GPC5: variants seen among roughly 807,000 people sequenced by gnomAD.
GPC5 encodes the protein glypican-5.
In GPC5, 47 loss-of-function variants were observed where a neutral mutation model predicts 53.9. The ratio of observed to expected loss-of-function variants is 0.87; its 90% CI spans 0.69 to 1.11. The LOEUF (loss-of-function observed/expected upper bound fraction) is 1.11, where lower values mean the gene tolerates loss of function less well. Among genes scored for constraint, GPC5 ranks in the 50% most tolerant of loss-of-function variants. The pLI, the probability that GPC5 is intolerant of heterozygous loss-of-function variation, is 0.00. For missense variants in GPC5, 748 were observed against 713.1 expected (o/e 1.05, Z -0.56); for synonymous variants, 286 against 263.3 (o/e 1.09, Z -0.84).
intron 6 of GPC5, among the ~76,000 whole-genome samples, chr13:91,932,138 G>C (rs1241263605): frequency 6.6e-6 from 1 of 151,976 alleles, no homozygotes; most frequent in Non-Finnish European, 1.5e-5. Flanking sequence ...CTTTTCTTAA[G>C]AATTTGGCTG....
intron 6 of GPC5, among the ~76,000 whole-genome samples, chr13:92,104,597 G>C (rs767162623): frequency 1.3e-5 from 2 of 152,112 alleles, no homozygotes; most frequent in African/African-American, 2.4e-5. Flanking sequence ...TTTATGGTAG[G>C]TATCATCTGA....
At chr13:92,210,559 A>C (rs1424177687) in intron 7 of GPC5, among the ~76,000 whole-genome samples, 2 of 152,216 alleles carry the variant, frequency 1.3e-5, no homozygotes, top group Admixed American at 1.3e-4. Flanking sequence ...CCAGTTTCTA[A>C]TAATATATGA....
chr13:92,210,999 G>A (rs2139074300), intron 7 of GPC5, among the ~76,000 whole-genome samples: 1 of 152,206 alleles, frequency 6.6e-6, no homozygotes, highest in South Asian at 2.1e-4. Flanking sequence ...CCCACAAACA[G>A]CTGAATTTTA....
intron 7 of GPC5, among the ~76,000 whole-genome samples, chr13:92,390,757 A>T (rs1874965975): frequency 6.6e-6 from 1 of 152,132 alleles, no homozygotes; most frequent in Non-Finnish European, 1.5e-5. Context: ...TCAGAAGATG[A>T]ATATGTGTTT....
intron 2 of GPC5, among the ~76,000 whole-genome samples, chr13:91,668,946 T>G (rs937155535): frequency 2.0e-5 from 3 of 152,168 alleles, no homozygotes; most frequent in Non-Finnish European, 4.4e-5. Flanking sequence ...CAGGGTAAAA[T>G]AGCACACGTT....
chr13:92,817,566 T>A (rs144710951), intron 7 of GPC5, among the ~76,000 whole-genome samples: 3 of 152,102 alleles, frequency 2.0e-5, no homozygotes, highest in Admixed American at 1.3e-4. Context: ...TTTGACTATA[T>A]TTAATCTTTG....
At chr13:91,622,765 T>C (rs999503915) in intron 2 of GPC5, among the ~76,000 whole-genome samples, 2 of 152,066 alleles carry the variant, frequency 1.3e-5, no homozygotes, top group African/African-American at 4.8e-5. Flanking sequence ...TTGAAGAAGG[T>C]TGAAAGATTG....
chr13:92,598,365 A>G (rs1298951857), intron 7 of GPC5, among the ~76,000 whole-genome samples: 3 of 151,838 alleles, frequency 2.0e-5, no homozygotes, highest in Non-Finnish European at 4.4e-5. Flanking sequence ...CTAATTTTTC[A>G]TGTGTTTGGA....
intron 7 of GPC5, among the ~76,000 whole-genome samples, chr13:92,284,189 G>T (rs534496855): frequency 6.6e-6 from 1 of 152,110 alleles, no homozygotes; most frequent in African/African-American, 2.4e-5. Context: ...ACTAAACCAG[G>T]AAGAAGTTGA....
At position 92,361,724 on chromosome 13, in the gene GPC5, G is replaced by A. The variant is rs184811747; in HGVS notation, c.1561+216735G>A. 5.1e-4 allele frequency among the ~76,000 whole-genome samples: 77 copies of A among 151,714 alleles called. 1 individual carries two copies. The highest frequency in any genetic ancestry group is 8.4e-4 in the Non-Finnish European group (57 of 68,012). ...TGGAAAGACTGCCTGAGAAGAAAGA[G>A]GGTGCTGATAATTTATCAATAAACA... On this transcript the variant is annotated intron_variant, in intron 7 of 7. Coordinates refer to ENST00000377067, the MANE Select transcript of GPC5 (RefSeq NM_004466.6).
intron 7 of GPC5, among the ~76,000 whole-genome samples, chr13:92,792,480 C>G (rs1876499634): frequency 6.6e-6 from 1 of 152,148 alleles, no homozygotes; most frequent in Non-Finnish European, 1.5e-5. Flanking sequence ...GAAACTGCAT[C>G]AACTAACAAG....
chr13:92,138,196 A>G (rs1354999471), intron 6 of GPC5, among the ~76,000 whole-genome samples: 2 of 152,160 alleles, frequency 1.3e-5, no homozygotes, highest in African/African-American at 4.8e-5. Flanking sequence ...AGTGTGTCTA[A>G]TACGATTGAT....
chr13:92,574,552 T>G (rs1883133390), intron 7 of GPC5, among the ~76,000 whole-genome samples: 1 of 152,234 alleles, frequency 6.6e-6, no homozygotes, highest in Non-Finnish European at 1.5e-5. Context: ...GTTTTCTGCA[T>G]GTTCCTGATG....
intron 7 of GPC5, among the ~76,000 whole-genome samples, chr13:92,602,236 ATATATATATAT>A (rs1884095441): frequency 2.9e-5 from 3 of 105,188 alleles, no homozygotes; most frequent in Admixed American, 1.0e-4. Context: ...TATATAACAT[ATATATATATAT>A]ATATATATAT....
intron 5 of GPC5, among the ~76,000 whole-genome samples, chr13:91,866,366 A>C (rs2039085131): frequency 6.6e-6 from 1 of 152,154 alleles, no homozygotes; most frequent in African/African-American, 2.4e-5. Context: ...CTCATGTTGA[A>C]ATGTGACTTC....
intron 7 of GPC5, among the ~76,000 whole-genome samples, chr13:92,634,135 TC>T (rs2060131319): frequency 6.6e-6 from 1 of 152,102 alleles, no homozygotes; most frequent in Non-Finnish European, 1.5e-5. Context: ...AATGGAATGC[TC>T]AATTCAATTT....
chr13:92,856,784 A>G (rs563156979), intron 7 of GPC5, among the ~76,000 whole-genome samples: 1 of 152,252 alleles, frequency 6.6e-6, no homozygotes, highest in South Asian at 2.1e-4. Context: ...AGAAGGTGAA[A>G]GATCTCTACA....
At chr13:91,473,005 TCA>T (rs953469486) in intron 2 of GPC5, among the ~76,000 whole-genome samples, 1 of 152,132 alleles carries the variant, frequency 6.6e-6, no homozygotes, top group African/African-American at 2.4e-5. Context: ...TTTAATTGAC[TCA>T]CAGTTCCATA....
intron 7 of GPC5, among the ~76,000 whole-genome samples, chr13:92,578,634 T>C (rs766775550): frequency 2.0e-5 from 3 of 152,180 alleles, no homozygotes; most frequent in Non-Finnish European, 2.9e-5. Context: ...TCACCTTTCC[T>C]CTGTTGTTTT....
Sources: gnomAD v4.1 joint callset for allele counts (sites outside exome capture counted in the v4.1 genomes callset) on GRCh38, gnomAD v4.1.1 for gene constraint, MANE v1.5 for transcripts, NCBI Gene and HGNC (gene_info 2026-07-23, HGNC 2026-07-21) for gene names.